Variants in PTPRD observed in about 807,000 individuals in gnomAD.
PTPRD encodes receptor-type tyrosine-protein phosphatase delta.
In PTPRD, 34 loss-of-function variants were observed where a neutral mutation model predicts 214.5. The observed-to-expected ratio is 0.16, with a 90% CI of 0.12 to 0.21. The LOEUF (loss-of-function observed/expected upper bound fraction) is 0.21, where lower values mean the gene tolerates loss of function less well. Among genes scored for constraint, PTPRD ranks in the 10% least tolerant of loss-of-function variants. PTPRD has a pLI of 1.00. For missense variants in PTPRD, 2,545 were observed against 2,398.7 expected (o/e 1.06, Z -1.27); for synonymous variants, 1,128 against 845.7 (o/e 1.33, Z -5.79).
At chr9:8,400,677 A>T (rs2092239114) in intron 36 of PTPRD, among the ~76,000 whole-genome samples, 1 of 152,162 alleles carries the variant, frequency 6.6e-6, no homozygotes, top group South Asian at 2.1e-4. Flanking sequence ...GAAGACCCAG[A>T]CCAGGAATCA....
chr9:9,142,820 A>G (rs1300378447), intron 10 of PTPRD, among the ~76,000 whole-genome samples: 8 of 152,084 alleles, frequency 5.3e-5, no homozygotes, highest in Non-Finnish European at 1.0e-4. Flanking sequence ...CTCTCAGTTC[A>G]TTCTTTTCAT....
chr9:9,155,121 C>T (rs932290441), intron 10 of PTPRD, among the ~76,000 whole-genome samples: 8 of 152,220 alleles, frequency 5.3e-5, no homozygotes, highest in African/African-American at 1.4e-4. Flanking sequence ...TACGAAATGA[C>T]GATTGCCTTA....
Position 9,478,651 on chromosome 9 carries a change from G to A in PTPRD, c.-236-81169C>T, listed in dbSNP as rs549361768. 3.3e-5 allele frequency among the ~76,000 whole-genome samples: 5 copies of A among 152,260 alleles called. No individual in the cohort carries two copies. In the East Asian group the frequency reaches 7.7e-4, roughly 23 times the overall value. ...ATCCCAAAGAGTTAGCCTTTTGTAA[G>A]TGTTAATGCCAACAAAGGTTCATAG... On this transcript the variant is annotated intron_variant, in intron 8 of 45. Transcript: ENST00000381196.
intron 5 of PTPRD, among the ~76,000 whole-genome samples, chr9:9,792,730 C>T (rs1273041842): frequency 6.6e-6 from 1 of 151,936 alleles, no homozygotes; most frequent in Non-Finnish European, 1.5e-5. Flanking sequence ...TGCAAATGGC[C>T]CCAGTAAATG....
chr9:9,191,100 C>A (rs1034295966), intron 9 of PTPRD, among the ~76,000 whole-genome samples: 1 of 152,088 alleles, frequency 6.6e-6, no homozygotes, highest in Admixed American at 6.6e-5. Flanking sequence ...TGGCAAGTTG[C>A]CGATTAGATT....
At chr9:9,667,139 T>C (rs539693124) in intron 7 of PTPRD, among the ~76,000 whole-genome samples, 1 of 152,200 alleles carries the variant, frequency 6.6e-6, no homozygotes, top group South Asian at 2.1e-4. Flanking sequence ...ACGTGCTTTG[T>C]TTATTACTGA....
intron 4 of PTPRD, among the ~76,000 whole-genome samples, chr9:9,946,279 T>A (rs1451403850): frequency 6.6e-6 from 1 of 152,162 alleles, no homozygotes; most frequent in East Asian, 1.9e-4. Flanking sequence ...TACTCAATAC[T>A]TGCTTATTTA....
intron 9 of PTPRD, among the ~76,000 whole-genome samples, chr9:9,313,312 G>GTT (rs1331303154): frequency 6.6e-6 from 1 of 152,162 alleles, no homozygotes; most frequent in African/African-American, 2.4e-5. Flanking sequence ...TGTTGGACCA[G>GTT]TTAAGAGTTA....
chr9:8,319,754 A>G, intron 45 of PTPRD, 77 bp downstream of exon 45: 8 of 1,542,536 alleles, frequency 5.2e-6, no homozygotes, highest in South Asian at 1.2e-5. Flanking sequence ...TGGTGTTGAG[A>G]GAGTATGGAG....
intron 3 of PTPRD, among the ~76,000 whole-genome samples, chr9:10,060,189 T>C (rs1361458025): frequency 2.0e-5 from 3 of 152,096 alleles, no homozygotes; most frequent in African/African-American, 7.2e-5. Flanking sequence ...ACACATTTCA[T>C]TTCTGTCCTC....
intron 2 of PTPRD, among the ~76,000 whole-genome samples, chr9:10,403,924 C>A (rs1441062363): frequency 6.6e-6 from 1 of 151,656 alleles, no homozygotes; most frequent in Non-Finnish European, 1.5e-5. Context: ...AAGGTAGATA[C>A]ATGCCATTAC....
intron 9 of PTPRD, among the ~76,000 whole-genome samples, chr9:9,315,458 T>C (rs908909626): frequency 1.3e-5 from 2 of 151,958 alleles, no homozygotes; most frequent in Admixed American, 1.3e-4. Flanking sequence ...AAAAGGAATT[T>C]TAAGAGCCTG....
chr9:8,353,778 C>T (rs1018538401), intron 39 of PTPRD, among the ~76,000 whole-genome samples: 15 of 148,214 alleles, frequency 1.0e-4, no homozygotes, highest in African/African-American at 3.6e-4. Context: ...TACTCACATT[C>T]GTATACATAT....
intron 9 of PTPRD, among the ~76,000 whole-genome samples, chr9:9,303,312 A>G (rs1956099682): frequency 6.6e-6 from 1 of 152,160 alleles, no homozygotes; most frequent in Admixed American, 6.6e-5. Flanking sequence ...AATTGGTTTC[A>G]TAAAAGACAT....
chr9:10,468,230 A>G (rs2099007189), intron 2 of PTPRD, among the ~76,000 whole-genome samples: 1 of 151,938 alleles, frequency 6.6e-6, no homozygotes, highest in African/African-American at 2.4e-5. Flanking sequence ...AATTCACAAT[A>G]GCAAAACTTG....
chr9:10,140,371 A>AG (rs1446555841), intron 3 of PTPRD, among the ~76,000 whole-genome samples: 11 of 152,200 alleles, frequency 7.2e-5, no homozygotes, highest in African/African-American at 2.6e-4. Context: ...TAAAGAAAAA[A>AG]AGAGAGAAGA....
At chr9:9,764,897 T>C (rs920398015) in intron 6 of PTPRD, among the ~76,000 whole-genome samples, 1 of 152,122 alleles carries the variant, frequency 6.6e-6, no homozygotes, top group Non-Finnish European at 1.5e-5. Context: ...TTCTGGAATA[T>C]CAGGAGAAAA....
intron 2 of PTPRD, among the ~76,000 whole-genome samples, chr9:10,390,361 G>C (rs2098033507): frequency 6.6e-6 from 1 of 151,714 alleles, no homozygotes; most frequent in African/African-American, 2.4e-5. Context: ...GGCTCAGCTT[G>C]GCTGCCTCAT....
chr9:8,338,018 CAAT>C (rs1848659239), intron 43 of PTPRD, among the ~76,000 whole-genome samples: 1 of 152,044 alleles, frequency 6.6e-6, no homozygotes, highest in Admixed American at 6.6e-5. Flanking sequence ...TCCTGCTAAC[CAAT>C]TTCTCTTTCA....
Sources: allele counts gnomAD v4.1 joint callset (sites outside exome capture counted in the v4.1 genomes callset), GRCh38; gene constraint gnomAD v4.1.1; transcripts MANE v1.5; gene names NCBI Gene and HGNC (gene_info 2026-07-23, HGNC 2026-07-21).